The following MCTP1 variants were observed in gnomAD, a reference collection of about 807,000 sequenced individuals.
MCTP1 encodes the protein multiple C2 and transmembrane domain containing 1, also known as multiple C2 and transmembrane domain-containing protein 1.
In MCTP1, 69 loss-of-function variants were observed where a neutral mutation model predicts 120.6. The ratio of observed to expected loss-of-function variants is 0.57; its 90% CI spans 0.47 to 0.70. The LOEUF (loss-of-function observed/expected upper bound fraction) is 0.70. Ranked by LOEUF, MCTP1 falls within the 30% of genes least tolerant of loss-of-function variation. The pLI is 0.00. For synonymous variants in MCTP1, 529 were observed against 493.1 expected (o/e 1.07, Z -0.96); for missense variants, 1,203 against 1,248.8 (o/e 0.96, Z 0.55).
chr5:94,924,067 A>C, intron 6 of MCTP1, 46 bp from the exon 7 acceptor site: 2 of 1,126,756 alleles, frequency 1.8e-6, no homozygotes, highest in Non-Finnish European at 2.5e-6. Flanking sequence ...TGTTTTTGAG[A>C]ATAATTAATA....
intron 1 of MCTP1, among the ~76,000 whole-genome samples, chr5:95,101,660 A>G (rs961706233): frequency 3.9e-5 from 6 of 152,220 alleles, no homozygotes; most frequent in Non-Finnish European, 1.5e-5. Flanking sequence ...GCAGACAGAA[A>G]GAACGTAGAG....
rs935415341 is a variant in MCTP1 at position 94,852,084 on chromosome 5, A to G, written c.2436+16249T>C. 1.3e-4 allele frequency among the ~76,000 whole-genome samples: 20 copies of G among 151,952 alleles called. 1 individual carries two copies. The highest frequency in any genetic ancestry group is 2.2e-4 in the Non-Finnish European group (15 of 67,894). On this transcript the variant is annotated intron_variant, in intron 17 of 22. Coordinates refer to ENST00000515393, the MANE Select transcript of MCTP1 (RefSeq NM_024717.7). ...AGCCAAAATTTTAAGAAAGATTGAA[A>G]AAAGTACAATATAATTTGTAAAAGC... is the stretch of plus-strand genomic sequence containing the variant.
intron 3 of MCTP1, among the ~76,000 whole-genome samples, chr5:94,952,195 C>CAAAAAAAAAA (rs1554149863): frequency 1.4e-5 from 1 of 72,998 alleles, no homozygotes; most frequent in African/African-American, 5.6e-5. Context: ...AAAAAAAAAG[C>CAAAAAAAAAA]TATTGAATTG....
At chr5:94,890,161 G>T (rs993121616) in intron 11 of MCTP1, among the ~76,000 whole-genome samples, 2 of 151,938 alleles carry the variant, frequency 1.3e-5, no homozygotes, top group Admixed American at 6.6e-5. Context: ...ACCATACTTG[G>T]TTAACTTAAA....
intron 1 of MCTP1, among the ~76,000 whole-genome samples, chr5:95,067,937 T>C (rs1225088409): frequency 3.9e-5 from 6 of 152,292 alleles, no homozygotes; most frequent in African/African-American, 7.2e-5. Flanking sequence ...CATCGACCCT[T>C]TCCCCATCCC....
chr5:94,809,506 G>T (rs943890862), intron 17 of MCTP1, among the ~76,000 whole-genome samples: 1 of 152,056 alleles, frequency 6.6e-6, no homozygotes, highest in African/African-American at 2.4e-5. Flanking sequence ...GGAGAATGTT[G>T]ATTCTCCAAG....
At chr5:94,892,107 G>C (rs1202522497) in intron 11 of MCTP1, among the ~76,000 whole-genome samples, 1 of 152,114 alleles carries the variant, frequency 6.6e-6, no homozygotes, top group Non-Finnish European at 1.5e-5. Flanking sequence ...CCCATCCTAT[G>C]GCATCGAGAT....
intron 1 of MCTP1, among the ~76,000 whole-genome samples, chr5:95,244,222 A>G (rs1756491874): frequency 6.6e-6 from 1 of 152,240 alleles, no homozygotes; most frequent in Admixed American, 6.5e-5. Flanking sequence ...TGAAGTATAA[A>G]TGTACATCTG....
At position 95,228,930 on chromosome 5, in the gene MCTP1, G is replaced by A. The variant is rs182293191; in HGVS notation, c.720+54926C>T. 5.3e-5 allele frequency among the ~76,000 whole-genome samples: 8 copies of A among 152,266 alleles called. No homozygotes were observed. The East Asian group carries it at 9.6e-4, about 18-fold the overall frequency. On this transcript the variant is annotated intron_variant, in intron 1 of 22. Coordinates refer to ENST00000515393, the MANE Select transcript of MCTP1 (RefSeq NM_024717.7). The stretch of plus-strand genomic sequence containing the variant: ...GCCAGCCTCATGCTTCCTGTACAGC[G>A]TGAAGAACTGTGAGCCAATTAAGCC...
Position 94,964,104 on chromosome 5 carries a change from AT to A in MCTP1, c.839-10744del, listed in dbSNP as rs1421195415. Among the ~76,000 whole-genome samples, 4 of 152,138 alleles carry A rather than the reference AT, an allele frequency of 2.6e-5. No individual in the cohort carries two copies. The East Asian group carries it at 7.7e-4, about 29-fold the overall frequency. Reference sequence around the variant, plus strand: ...AAAATTAATTGACTACATATGATGGATTTATTTCTGGGCTCTGTATTCTGCT... The same window carrying A: ...AAAATTAATTGACTACATATGATGGATTATTTCTGGGCTCTGTATTCTGCT... On this transcript the variant is annotated intron_variant, in intron 2 of 22. Coordinates refer to ENST00000515393, the MANE Select transcript of MCTP1 (RefSeq NM_024717.7).
intron 19 of MCTP1, among the ~76,000 whole-genome samples, chr5:94,740,270 T>C (rs1051690370): frequency 6.6e-6 from 1 of 152,232 alleles, no homozygotes; most frequent in African/African-American, 2.4e-5. Flanking sequence ...CCTCCTTACA[T>C]GCCTTCAGTT....
chr5:94,727,109 AC>A (rs958948446), intron 19 of MCTP1, among the ~76,000 whole-genome samples: 1 of 152,188 alleles, frequency 6.6e-6, no homozygotes, highest in Non-Finnish European at 1.5e-5. Context: ...AGAGAGAATC[AC>A]CATCCCTTCT....
intron 1 of MCTP1, among the ~76,000 whole-genome samples, chr5:95,191,164 C>A (rs994013808): frequency 6.6e-6 from 1 of 151,768 alleles, no homozygotes; most frequent in Non-Finnish European, 1.5e-5. Context: ...ATCTATCCAC[C>A]GTCATATATA....
At chr5:94,718,847 G>C (rs753784597) in intron 19 of MCTP1, among the ~76,000 whole-genome samples, 5 of 152,164 alleles carry the variant, frequency 3.3e-5, no homozygotes, top group Non-Finnish European at 5.9e-5. Context: ...AGCCTCCCAA[G>C]TAGCTGGTAT....
At chr5:94,803,420 G>A (rs1781603664) in intron 17 of MCTP1, among the ~76,000 whole-genome samples, 1 of 152,194 alleles carries the variant, frequency 6.6e-6, no homozygotes, top group South Asian at 2.1e-4. Context: ...AACGGTGTTT[G>A]AATCAGGCCT....
At chr5:94,910,077 C>CA (rs1808039810) in intron 9 of MCTP1, among the ~76,000 whole-genome samples, 1 of 150,214 alleles carries the variant, frequency 6.7e-6, no homozygotes. Context: ...AACCATATGC[C>CA]AAAAATGTCT....
At chr5:95,268,829 G>A (rs1759126799) in intron 1 of MCTP1, among the ~76,000 whole-genome samples, 1 of 152,190 alleles carries the variant, frequency 6.6e-6, no homozygotes, top group Non-Finnish European at 1.5e-5. Flanking sequence ...AGACAGCAGA[G>A]CCCCTTAGCT....
intron 1 of MCTP1, among the ~76,000 whole-genome samples, chr5:95,156,221 AC>A (rs1745113638): frequency 6.6e-6 from 1 of 152,172 alleles, no homozygotes; most frequent in African/African-American, 2.4e-5. Context: ...CTGATTCCAG[AC>A]CCACGGAGAC....
At chr5:95,196,706 G>T (rs1007949515) in intron 1 of MCTP1, among the ~76,000 whole-genome samples, 5 of 152,188 alleles carry the variant, frequency 3.3e-5, no homozygotes, top group Non-Finnish European at 7.3e-5. Flanking sequence ...AGTTTGGTTG[G>T]CATGAGGGCT....
Sources: allele counts gnomAD v4.1 joint callset (sites outside exome capture counted in the v4.1 genomes callset), GRCh38; gene constraint gnomAD v4.1.1; transcripts MANE v1.5; gene names NCBI Gene and HGNC (gene_info 2026-07-23, HGNC 2026-07-21).